The following KANK1 variants were observed in gnomAD, a reference collection of about 807,000 sequenced individuals.
KANK1 encodes the protein KN motif and ankyrin repeat domains 1.
A neutral mutation model predicts 106.2 loss-of-function variants in KANK1; 109 were observed. That is an observed-to-expected ratio of 1.03 (90% CI 0.88 to 1.20). The LOEUF is 1.20. Among genes scored for constraint, KANK1 ranks in the 50% most tolerant of loss-of-function variants. The pLI, the probability that KANK1 is intolerant of heterozygous loss-of-function variation, is 0.00. For missense variants in KANK1, 2,399 were observed against 1,710.7 expected (o/e 1.40, Z -7.10); for synonymous variants, 873 against 652.2 (o/e 1.34, Z -5.16).
intron 1 of KANK1, among the ~76,000 whole-genome samples, chr9:577,195 T>C (rs1328374307): frequency 6.6e-6 from 1 of 152,224 alleles, no homozygotes; most frequent in Non-Finnish European, 1.5e-5. Context: ...CTCTGCTGGC[T>C]CTGGTGGCCA....
At chr9:623,816 T>A (rs983184959) in intron 1 of KANK1, among the ~76,000 whole-genome samples, 1 of 152,160 alleles carries the variant, frequency 6.6e-6, no homozygotes. Context: ...ACAGCCATTA[T>A]GGACATTGGT....
chr9:475,703 T>C lies in KANK1; in HGVS notation c.-362+2430T>C, dbSNP rs187579371. On this transcript the variant is annotated intron_variant, in intron 3 of 15. Transcript: ENST00000382303. The stretch of plus-strand genomic sequence containing the variant: ...ATATTTTATCCCATAACATGTCTCT[T>C]TGGCATATTTTGAAATGGCCCTGCA... 2.6e-5 allele frequency among the ~76,000 whole-genome samples: 4 copies of C among 152,324 alleles called. No homozygotes were observed. The East Asian group carries it at 5.8e-4, about 22-fold the overall frequency.
intron 2 of KANK1, among the ~76,000 whole-genome samples, chr9:692,087 T>C (rs1820083503): frequency 9.3e-6 from 1 of 107,310 alleles, no homozygotes; most frequent in South Asian, 3.8e-4. Flanking sequence ...ATAGCCTGTT[T>C]TGTAAAATTC....
chr9:647,193 TCATC>T (rs1234778438), intron 1 of KANK1, among the ~76,000 whole-genome samples: 1 of 151,028 alleles, frequency 6.6e-6, no homozygotes, highest in Non-Finnish European at 1.5e-5. Context: ...TAAGATAAAT[TCATC>T]CATAGTATTT....
At chr9:599,218 A>G (rs528044769) in intron 1 of KANK1, among the ~76,000 whole-genome samples, 3 of 146,884 alleles carry the variant, frequency 2.0e-5, no homozygotes, top group Non-Finnish European at 4.5e-5. Flanking sequence ...GGGTTTTTCC[A>G]TGTTGGTCAG....
At chr9:517,802 G>C (rs1225434461) in intron 1 of KANK1, among the ~76,000 whole-genome samples, 1 of 148,324 alleles carries the variant, frequency 6.7e-6, no homozygotes, top group Non-Finnish European at 1.5e-5. Flanking sequence ...AAAGTGGCGT[G>C]ATCTCGGCTC....
chr9:621,522 A>C (rs1375171865), intron 1 of KANK1, among the ~76,000 whole-genome samples: 1 of 152,182 alleles, frequency 6.6e-6, no homozygotes, highest in African/African-American at 2.4e-5. Context: ...CTTTGACCCC[A>C]GTAATTTTGT....
At chr9:564,980 C>A (rs1338223498) in intron 1 of KANK1, among the ~76,000 whole-genome samples, 2 of 152,070 alleles carry the variant, frequency 1.3e-5, no homozygotes, top group Non-Finnish European at 2.9e-5. Flanking sequence ...TGCAGGGCGG[C>A]TTCACTGAGA....
chr9:656,803 A>G (rs766065396), intron 1 of KANK1, among the ~76,000 whole-genome samples: 2 of 152,238 alleles, frequency 1.3e-5, no homozygotes, highest in Non-Finnish European at 2.9e-5. Context: ...GTTTATTTCC[A>G]CTAAAGGATA....
At chr9:629,210 C>G (rs924960020) in intron 1 of KANK1, among the ~76,000 whole-genome samples, 2 of 152,060 alleles carry the variant, frequency 1.3e-5, no homozygotes, top group Non-Finnish European at 2.9e-5. Flanking sequence ...TGCTCCCAGC[C>G]GCTGATGGGG....
intron 2 of KANK1, among the ~76,000 whole-genome samples, chr9:702,999 T>G (rs1384457609): frequency 1.3e-5 from 2 of 152,134 alleles, no homozygotes; most frequent in Non-Finnish European, 2.9e-5. Context: ...TGTTGTTTTT[T>G]GGGGTTTTTT....
intron 1 of KANK1, among the ~76,000 whole-genome samples, chr9:511,494 C>T (rs1399260072): frequency 2.0e-5 from 3 of 152,134 alleles, no homozygotes; most frequent in Non-Finnish European, 2.9e-5. Flanking sequence ...CATCTATAAA[C>T]AGGGATAATA....
At chr9:714,840 C>G (rs978169806) in intron 3 of KANK1, among the ~76,000 whole-genome samples, 1 of 152,200 alleles carries the variant, frequency 6.6e-6, no homozygotes, top group Non-Finnish European at 1.5e-5. Context: ...TGCACTGCCT[C>G]TCACAGTGTA....
rs1554718003 is a variant in KANK1, at chr9:477,319, A to AG, written c.-362+4046_-362+4047insG. Among the ~76,000 whole-genome samples, 26 of 152,270 alleles carry AG rather than the reference A, an allele frequency of 1.7e-4. 1 individual carries two copies. In the South Asian group the frequency reaches 5.4e-3, roughly 32 times the overall value. On this transcript the variant is annotated intron_variant, in intron 3 of 15. Transcript: ENST00000382303. Reference sequence around the variant, plus strand: ...AATGCAAACAGAAAAAAAAAAAAAAAAGATCTAGCTTTTGATTTCCAAATT... The same window carrying AG: ...AATGCAAACAGAAAAAAAAAAAAAAAGAGATCTAGCTTTTGATTTCCAAATT...
intron 1 of KANK1, among the ~76,000 whole-genome samples, chr9:508,597 C>T (rs1210627820): frequency 1.3e-5 from 2 of 151,786 alleles, no homozygotes; most frequent in African/African-American, 2.4e-5. Context: ...AACCGTTGTG[C>T]CAACTGTGGA....
intron 1 of KANK1, among the ~76,000 whole-genome samples, chr9:581,762 G>C (rs949151641): frequency 1.3e-5 from 2 of 152,094 alleles, no homozygotes; most frequent in Admixed American, 6.5e-5. Flanking sequence ...TGTCAGGAAG[G>C]CCTGAGAAGT....
At chr9:513,907 C>T (rs1331356174) in intron 1 of KANK1, among the ~76,000 whole-genome samples, 1 of 152,114 alleles carries the variant, frequency 6.6e-6, no homozygotes, top group Non-Finnish European at 1.5e-5. Context: ...GTCCCAGCTA[C>T]TTGGGAGGCT....
chr9:550,631 T>C lies in KANK1; in HGVS notation c.-84+45877T>C, dbSNP rs113145294. Among the ~76,000 whole-genome samples the C allele has an allele frequency of 2.6e-5, 4 of 152,204 alleles. No homozygotes were observed. In the South Asian group the frequency reaches 8.3e-4, roughly 32 times the overall value. ...CTAATAAAACAAAAACATTACACCA[T>C]TGTCAGAAAGTGATTTGTTCTTCTT... On this transcript the variant is annotated intron_variant, in intron 1 of 11. Coordinates refer to ENST00000382297, the MANE Select transcript of KANK1 (RefSeq NM_015158.5).
intron 1 of KANK1, chr9:660,120 C>G (rs886580573): frequency 2.3e-6 from 1 of 431,020 alleles, no homozygotes; most frequent in South Asian, 2.0e-5. Context: ...AAGACCCTTA[C>G]TACTGTCCAA....
Sources: allele counts gnomAD v4.1 joint callset (sites outside exome capture counted in the v4.1 genomes callset), GRCh38; gene constraint gnomAD v4.1.1; transcripts MANE v1.5; gene names NCBI Gene and HGNC (gene_info 2026-07-23, HGNC 2026-07-21).